STK3: variants seen among roughly 807,000 people sequenced by gnomAD.
The protein encoded by STK3 is serine/threonine kinase 3, also known as serine/threonine-protein kinase 3.
In STK3, 41 loss-of-function variants were observed where a neutral mutation model predicts 58.0. That is an observed-to-expected ratio of 0.71 (90% CI 0.55 to 0.92). STK3 has a LOEUF of 0.92. STK3 is among the 40% of genes least tolerant of loss of function. STK3 has a pLI of 0.00. For synonymous variants in STK3, 170 were observed against 191.0 expected, an observed-to-expected ratio of 0.89 and a Z score of 0.91; for missense variants, 479 against 602.7, an observed-to-expected ratio of 0.79 and a Z score of 2.15.
chr8:98,697,021 G>A (rs1825010665), intron 6 of STK3, among the ~76,000 whole-genome samples: 1 of 152,122 alleles, frequency 6.6e-6, no homozygotes, highest in Non-Finnish European at 1.5e-5. Context: ...ATTGACTATT[G>A]CCACAATTTC....
At chr8:98,716,710 C>G (rs1227398808) in intron 4 of STK3, among the ~76,000 whole-genome samples, 1 of 151,770 alleles carries the variant, frequency 6.6e-6, no homozygotes, top group African/African-American at 2.4e-5. Flanking sequence ...CAAGGGGCCC[C>G]AAAACAACAC....
chr8:98,510,697 GTAGC>G (rs555742853), intron 10 of STK3, among the ~76,000 whole-genome samples: 184 of 152,082 alleles, frequency 1.2e-3, no homozygotes, highest in Middle Eastern at 3.4e-3. Flanking sequence ...GTTTAATAAA[GTAGC>G]TAGCACAGCT....
rs78917642 is a variant in STK3, at chr8:98,574,257, T to G, written c.948+5407A>C. 1.1e-4 allele frequency among the ~76,000 whole-genome samples: 17 copies of G among 152,258 alleles called. No individual in the cohort carries two copies. In the East Asian group the frequency reaches 3.1e-3, roughly 28 times the overall value. On this transcript the variant is annotated intron_variant, in intron 8 of 10. Transcript: ENST00000419617. ...ATAATCAAACACAAAAGGAGAGAGA[T>G]AAGCTTAAGAAACGACAATTAAACA...
chr8:98,527,238 A>T (rs1825814552), intron 9 of STK3, among the ~76,000 whole-genome samples: 1 of 152,164 alleles, frequency 6.6e-6, no homozygotes, highest in Admixed American at 6.5e-5. Flanking sequence ...AAAGAAAGTA[A>T]ATTTTAAAAA....
chr8:98,534,473 G>A (rs1809597145), intron 9 of STK3, among the ~76,000 whole-genome samples: 1 of 152,114 alleles, frequency 6.6e-6, no homozygotes, highest in Admixed American at 6.5e-5. Context: ...TTACAAGTAT[G>A]TTAAAAATGA....
chr8:98,926,496 C>T (rs1839803775), intron 1 of STK3, among the ~76,000 whole-genome samples: 1 of 152,062 alleles, frequency 6.6e-6, no homozygotes, highest in African/African-American at 2.4e-5. Flanking sequence ...TATTAGTGCC[C>T]TGGGCTAAGA....
intron 9 of STK3, among the ~76,000 whole-genome samples, chr8:98,529,293 G>A (rs956308015): frequency 1.3e-5 from 2 of 152,026 alleles, no homozygotes; most frequent in African/African-American, 4.8e-5. Context: ...AAAGGGGGGG[G>A]GACGGAGATT....
intron 9 of STK3, among the ~76,000 whole-genome samples, chr8:98,528,970 A>G (rs1057065375): frequency 2.6e-5 from 4 of 151,414 alleles, no homozygotes; most frequent in African/African-American, 7.3e-5. Context: ...CAGATTCATC[A>G]TCAACTTGTT....
chr8:98,597,902 A>G, intron 6 of STK3: 1 of 985,364 alleles, frequency 1.0e-6, no homozygotes, highest in Non-Finnish European at 1.2e-6. Flanking sequence ...AAATAACCTA[A>G]TTAATCTCAG....
intron 3 of STK3, among the ~76,000 whole-genome samples, chr8:98,415,954 C>T (rs1818109864): frequency 6.6e-6 from 1 of 152,222 alleles, no homozygotes; most frequent in African/African-American, 2.4e-5. Flanking sequence ...CAGTCTGTTT[C>T]AGGTCCCAGA....
intron 10 of STK3, among the ~76,000 whole-genome samples, chr8:98,512,881 T>G (rs1223007667): frequency 3.3e-5 from 5 of 152,164 alleles, no homozygotes. Context: ...ATGGGTAAAA[T>G]AATTAAGTGT....
At chr8:98,788,560 A>T (rs1832617919) in intron 1 of STK3, among the ~76,000 whole-genome samples, 2 of 152,098 alleles carry the variant, frequency 1.3e-5, no homozygotes, top group African/African-American at 2.4e-5. Context: ...ACTCACATAA[A>T]CTTAAGCTAA....
At chr8:98,812,157 T>A (rs377693763) in intron 1 of STK3, among the ~76,000 whole-genome samples, 1 of 152,174 alleles carries the variant, frequency 6.6e-6, no homozygotes, top group African/African-American at 2.4e-5. Flanking sequence ...AAGCTCAACA[T>A]TTTATAAATA....
At chr8:98,583,370 G>A (rs186578181) in intron 7 of STK3, among the ~76,000 whole-genome samples, 1 of 152,116 alleles carries the variant, frequency 6.6e-6, no homozygotes, top group East Asian at 1.9e-4. Flanking sequence ...TTCTAAGAAT[G>A]TTGCCATAGA....
chr8:98,427,813 C>T (rs1291778139), intron 3 of STK3: 16 of 602,944 alleles, frequency 2.7e-5, no homozygotes, highest in Non-Finnish European at 4.4e-5. Context: ...CAAACTCTTG[C>T]CCCAGCCCAG....
chr8:98,787,561 C>T (rs1832550627), intron 1 of STK3, among the ~76,000 whole-genome samples: 1 of 152,036 alleles, frequency 6.6e-6, no homozygotes, highest in South Asian at 2.1e-4. Flanking sequence ...CCCAGACATC[C>T]AAATACAAGA....
intron 10 of STK3, among the ~76,000 whole-genome samples, chr8:98,456,839 A>G (rs1384184623): frequency 1.3e-5 from 2 of 152,216 alleles, no homozygotes; most frequent in East Asian, 3.8e-4. Context: ...CATTACTTAT[A>G]GTCATCCAAA....
At chr8:98,677,028 C>T (rs1362768078) in intron 6 of STK3, among the ~76,000 whole-genome samples, 1 of 152,220 alleles carries the variant, frequency 6.6e-6, no homozygotes, top group Non-Finnish European at 1.5e-5. Flanking sequence ...ATGCTTGATA[C>T]TGCTTCTGCA....
At chr8:98,664,498 T>A (rs1822192829) in intron 6 of STK3, among the ~76,000 whole-genome samples, 1 of 152,226 alleles carries the variant, frequency 6.6e-6, no homozygotes, top group African/African-American at 2.4e-5. Flanking sequence ...ACTATTGCTG[T>A]ACAATGCCAA....
Sources: allele counts gnomAD v4.1 joint callset (sites outside exome capture counted in the v4.1 genomes callset), GRCh38; gene constraint gnomAD v4.1.1; transcripts MANE v1.5; gene names NCBI Gene and HGNC (gene_info 2026-07-23, HGNC 2026-07-21).